NRG4: variants seen among roughly 807,000 people sequenced by gnomAD.
NRG4 encodes the protein pro-neuregulin-4, membrane-bound isoform.
A neutral mutation model predicts 15.0 loss-of-function variants in NRG4; 10 were observed. The observed-to-expected ratio is 0.67, with a 90% confidence interval of 0.41 to 1.13. The LOEUF is 1.13. Among genes scored for constraint, NRG4 ranks in the 50% most tolerant of loss-of-function variants. The pLI is 0.00. For missense variants in NRG4, 139 were observed against 140.2 expected (o/e 0.99, Z 0.04); for synonymous variants, 41 against 50.1 (o/e 0.82, Z 0.77).
At position 76,044,269 on chromosome 15, in the gene NRG4, TGG is replaced by T. The variant is rs1478567021; in HGVS notation, c.-105+7796_-105+7797del. Among the ~76,000 whole-genome samples the T allele has an allele frequency of 5.3e-5, 8 of 150,836 alleles. No homozygotes were observed. The South Asian group carries it at 1.2e-3, about 24-fold the overall frequency. On this transcript the variant is annotated intron_variant, in intron 4 of 8. Coordinates refer to the NRG4 transcript ENST00000563910. The stretch of plus-strand genomic sequence containing the variant: ...CACCCGCCTCGGCCTCCCAAAGTGC[TGG>T]GATTACAGGCGTGAGCCACCGCGCC...
At chr15:76,058,813 G>A (rs1325183223) in intron 1 of NRG4, among the ~76,000 whole-genome samples, 8 of 152,186 alleles carry the variant, frequency 5.3e-5, no homozygotes, top group Non-Finnish European at 1.5e-5. Context: ...GAAGACAAAC[G>A]ATAATAAGCT....
chr15:75,943,771 T>C, intron 5 of NRG4, 117 bp from the exon 6 acceptor site: 2 of 672,494 alleles, frequency 3.0e-6, no homozygotes, highest in Non-Finnish European at 2.6e-6. Flanking sequence ...CTTCTGTTTG[T>C]GATAGGATGT....
At position 75,943,515 on chromosome 15, in the gene NRG4, C is replaced by G. The variant is rs1311552894; in HGVS notation, c.*123G>C. The G allele has an allele frequency of 1.5e-6, 1 of 666,606 alleles. No homozygotes were observed. Among genetic ancestry groups the G allele is most frequent in the Non-Finnish European group, 2.7e-6 (1 of 376,848 alleles). The allele number at this position is 666,606 out of a possible 1,614,324, so 41.3% of individuals were successfully genotyped here. ...GCAGAATGGATTATGGTTCATGATA[C>G]GAGTTACACAAGCGTTTTATTTAAG... On this transcript the variant is annotated 3_prime_UTR_variant, in exon 6 of 6. Transcript: ENST00000394907.
At chr15:76,018,656 A>G (rs1365011823) in intron 5 of NRG4, among the ~76,000 whole-genome samples, 2 of 152,166 alleles carry the variant, frequency 1.3e-5, no homozygotes, top group Non-Finnish European at 2.9e-5. Context: ...TCACCAGCGG[A>G]GGCTGCAGAA....
chr15:75,952,019 G>A (rs920223122), intron 5 of NRG4, among the ~76,000 whole-genome samples: 2 of 152,046 alleles, frequency 1.3e-5, no homozygotes, highest in African/African-American at 4.8e-5. Context: ...ACTGTCATAT[G>A]CCTGGAAAAT....
chr15:75,984,430 A>G (rs1449699291), intron 3 of NRG4, among the ~76,000 whole-genome samples: 2 of 152,208 alleles, frequency 1.3e-5, no homozygotes, highest in Non-Finnish European at 2.9e-5. Flanking sequence ...AATGTGGCAC[A>G]TATACACCAT....
intron 4 of NRG4, among the ~76,000 whole-genome samples, chr15:75,957,244 G>GT (rs1000650249): frequency 3.3e-5 from 5 of 152,070 alleles, no homozygotes; most frequent in African/African-American, 1.2e-4. Context: ...CACACACGCC[G>GT]TATAGGATCA....
chr15:76,030,500 C>T (rs8038740), intron 5 of NRG4, among the ~76,000 whole-genome samples: 5,629 of 152,094 alleles, frequency 0.037, 182 homozygotes, highest in African/African-American at 0.085. Flanking sequence ...GACAATCTCT[C>T]CAATAAATAG....
At chr15:75,952,139 T>G (rs1211026339) in intron 5 of NRG4, among the ~76,000 whole-genome samples, 1 of 152,142 alleles carries the variant, frequency 6.6e-6, no homozygotes, top group Non-Finnish European at 1.5e-5. Flanking sequence ...TCAATGGCTT[T>G]TAGTATATTC....
At chr15:76,020,943 T>C (rs1008721585) in intron 5 of NRG4, among the ~76,000 whole-genome samples, 3 of 152,226 alleles carry the variant, frequency 2.0e-5, no homozygotes, top group African/African-American at 2.4e-5. Context: ...TCTAAGATCA[T>C]TGAAGATGGT....
upstream of NRG4, among the ~76,000 whole-genome samples, chr15:76,017,198 A>G: frequency 8.0e-6 from 1 of 125,640 alleles, no homozygotes; most frequent in East Asian, 2.4e-4. Context: ...TGCTTGGTAA[A>G]TATTCCTCCA....
intron 5 of NRG4, among the ~76,000 whole-genome samples, chr15:76,020,602 GA>G (rs138076806): frequency 2.0e-5 from 3 of 151,316 alleles, no homozygotes; most frequent in Non-Finnish European, 3.0e-5. Flanking sequence ...TAGCTGATGA[GA>G]AAAAAAAATC....
At chr15:76,001,662 G>A (rs1033982517) in intron 3 of NRG4, among the ~76,000 whole-genome samples, 6 of 152,164 alleles carry the variant, frequency 3.9e-5, no homozygotes, top group South Asian at 2.1e-4. Context: ...GTTAAAATAC[G>A]CATTTGTATT....
At chr15:75,989,341 G>GC (rs1172927192) in intron 3 of NRG4, among the ~76,000 whole-genome samples, 2 of 151,866 alleles carry the variant, frequency 1.3e-5, no homozygotes, top group Non-Finnish European at 2.9e-5. Context: ...ATGTAGCGTG[G>GC]CCTACCGATG....
At chr15:76,010,305 C>T (rs1026723302) in intron 2 of NRG4, among the ~76,000 whole-genome samples, 3 of 151,934 alleles carry the variant, frequency 2.0e-5, no homozygotes, top group African/African-American at 7.3e-5. Context: ...AGGAAATGAC[C>T]CAGAATCATC....
At chr15:76,051,330 G>C (rs1196082559) in intron 4 of NRG4, among the ~76,000 whole-genome samples, 1 of 149,884 alleles carries the variant, frequency 6.7e-6, no homozygotes, top group African/African-American at 2.5e-5. Context: ...TTATAGAGAC[G>C]GGCTCTCACT....
intron 4 of NRG4, among the ~76,000 whole-genome samples, chr15:76,050,922 T>C (rs2035992477): frequency 6.7e-6 from 1 of 150,096 alleles, no homozygotes; most frequent in Admixed American, 6.6e-5. Flanking sequence ...CCTCCCACCT[T>C]AGCCTACCAA....
At chr15:75,981,220 T>C (rs1229590963) in intron 3 of NRG4, among the ~76,000 whole-genome samples, 3 of 152,182 alleles carry the variant, frequency 2.0e-5, no homozygotes, top group Non-Finnish European at 4.4e-5. Context: ...TGTCGTCTAT[T>C]GGAATACTCC....
chr15:75,947,092 A>G (rs2031573967), intron 5 of NRG4, among the ~76,000 whole-genome samples: 1 of 152,194 alleles, frequency 6.6e-6, no homozygotes, highest in Non-Finnish European at 1.5e-5. Context: ...CAGCATTCGC[A>G]TTGTAGTCCA....
Sources: gnomAD v4.1 joint callset for allele counts (sites outside exome capture counted in the v4.1 genomes callset) on GRCh38, gnomAD v4.1.1 for gene constraint, MANE v1.5 for transcripts, NCBI Gene and HGNC (gene_info 2026-07-23, HGNC 2026-07-21) for gene names.